The following DPYD variants were observed in gnomAD, a reference collection of about 807,000 sequenced individuals.
DPYD encodes the protein dihydropyrimidine dehydrogenase [NADP(+)].
A neutral mutation model predicts 116.2 loss-of-function variants in DPYD; 109 were observed. The observed-to-expected ratio is 0.94, with a 90% CI of 0.80 to 1.10. The LOEUF is 1.10. DPYD is among the 50% of genes least tolerant of loss of function. The pLI is 0.00. For synonymous variants in DPYD, 440 were observed against 432.0 expected (o/e 1.02, Z -0.23); for missense variants, 1,302 against 1,254.5 (o/e 1.04, Z -0.57).
chr1:97,626,975 C>T (rs544484254), intron 8 of DPYD, among the ~76,000 whole-genome samples: 5 of 152,092 alleles, frequency 3.3e-5, no homozygotes, highest in Admixed American at 1.3e-4. Flanking sequence ...ACAGCAGAAA[C>T]TCATGTCTCA....
intron 20 of DPYD, among the ~76,000 whole-genome samples, chr1:97,166,912 C>T (rs1656367659): frequency 6.6e-6 from 1 of 152,048 alleles, no homozygotes; most frequent in African/African-American, 2.4e-5. Context: ...TATCAAAGTA[C>T]CATATTATTT....
chr1:97,594,934 T>G, intron 9 of DPYD, 125 bp downstream of exon 9: 6 of 600,352 alleles, frequency 1.0e-5, no homozygotes, highest in Non-Finnish European at 1.1e-5. Context: ...TAATTTTACA[T>G]TTGGGTCTTA....
intron 20 of DPYD, among the ~76,000 whole-genome samples, chr1:97,176,518 C>T (rs1477077007): frequency 2.0e-5 from 3 of 152,210 alleles, no homozygotes; most frequent in Admixed American, 1.3e-4. Flanking sequence ...GGGAGTGACA[C>T]GGTTTTTTGC....
chr1:97,874,262 A>T (rs1380597387), intron 2 of DPYD, among the ~76,000 whole-genome samples: 1 of 151,974 alleles, frequency 6.6e-6, no homozygotes, highest in Non-Finnish European at 1.5e-5. Context: ...ACAGAGATGG[A>T]AAGAATATAT....
chr1:97,834,820 T>A (rs2101509359), intron 2 of DPYD, among the ~76,000 whole-genome samples: 1 of 152,128 alleles, frequency 6.6e-6, no homozygotes, highest in Admixed American at 6.5e-5. Context: ...ATGTTGTATC[T>A]TAATTTTTGC....
intron 3 of DPYD, among the ~76,000 whole-genome samples, chr1:97,818,852 ATG>A (rs1479295720): frequency 1.3e-5 from 2 of 152,012 alleles, no homozygotes; most frequent in African/African-American, 4.8e-5. Flanking sequence ...AAATTACCAA[ATG>A]TGTGTATCCA....
chr1:97,112,438 A>G (rs1421028848), intron 20 of DPYD, among the ~76,000 whole-genome samples: 1 of 152,150 alleles, frequency 6.6e-6, no homozygotes, highest in African/African-American at 2.4e-5. Context: ...GTAAATGTAA[A>G]CACTAGTGCT....
rs558927045 is a variant in DPYD, at chr1:97,666,415, T to A, written c.850+12680A>T. ...CTCAGGCGATCCTCCTGCCTCACCC[T>A]CCCAAAATGCTGGGATTACAGGCAT... On this transcript the variant is annotated intron_variant, in intron 8 of 22. Coordinates refer to ENST00000370192, the MANE Select transcript of DPYD (RefSeq NM_000110.4). Among the ~76,000 whole-genome samples the A allele has an allele frequency of 2.6e-5, 4 of 152,204 alleles. No individual in the cohort carries two copies. In the South Asian group the frequency reaches 8.3e-4, roughly 32 times the overall value.
At chr1:97,119,390 T>C (rs1426983748) in intron 20 of DPYD, among the ~76,000 whole-genome samples, 1 of 152,138 alleles carries the variant, frequency 6.6e-6, no homozygotes, top group Non-Finnish European at 1.5e-5. Context: ...TATCAAAGAC[T>C]GCAGAAAAGT....
chr1:97,486,195 T>A (rs1435562569), intron 13 of DPYD, among the ~76,000 whole-genome samples: 1 of 152,198 alleles, frequency 6.6e-6, no homozygotes, highest in Non-Finnish European at 1.5e-5. Context: ...TTTTGAAATT[T>A]ATAAAGTTCA....
intron 18 of DPYD, among the ~76,000 whole-genome samples, chr1:97,279,635 G>A (rs944575432): frequency 6.6e-6 from 1 of 152,050 alleles, no homozygotes; most frequent in Admixed American, 6.5e-5. Context: ...CTCAGCCTCC[G>A]AGTAGCTGGG....
At chr1:97,291,526 T>C (rs943452445) in intron 18 of DPYD, among the ~76,000 whole-genome samples, 1 of 152,232 alleles carries the variant, frequency 6.6e-6, no homozygotes, top group Admixed American at 6.5e-5. Context: ...GATGAGTTCA[T>C]GTCCTTTGTA....
At chr1:97,274,810 C>T (rs1439889866) in intron 18 of DPYD, among the ~76,000 whole-genome samples, 1 of 152,108 alleles carries the variant, frequency 6.6e-6, no homozygotes, top group Non-Finnish European at 1.5e-5. Context: ...ACCATTGTAT[C>T]CTAGTGTGTG....
intron 20 of DPYD, among the ~76,000 whole-genome samples, chr1:97,130,960 C>A (rs911269877): frequency 6.9e-6 from 1 of 145,576 alleles, no homozygotes; most frequent in Non-Finnish European, 1.5e-5. Flanking sequence ...TATCTAACTT[C>A]TGCATGCCCA....
Position 97,747,535 on chromosome 1 carries a change from T to C in DPYD, c.234-7056A>G, listed in dbSNP as rs775343364. Reference sequence around the variant, plus strand: ...CAAGAAGATCAGAGTTTCCTCTGTCTTGTAGTAATGAGGAAAATAGTGATA... The same window carrying C: ...CAAGAAGATCAGAGTTTCCTCTGTCCTGTAGTAATGAGGAAAATAGTGATA... On this transcript the variant is annotated intron_variant, in intron 3 of 22. Coordinates refer to ENST00000370192, the MANE Select transcript of DPYD (RefSeq NM_000110.4). Among the ~76,000 whole-genome samples the C allele has an allele frequency of 2.6e-5, 4 of 152,166 alleles. 1 individual carries two copies. The highest frequency in any genetic ancestry group is 5.9e-5 in the Non-Finnish European group (4 of 68,004).
intron 13 of DPYD, among the ~76,000 whole-genome samples, chr1:97,475,918 G>C (rs1451472959): frequency 2.0e-5 from 3 of 152,146 alleles, no homozygotes; most frequent in Non-Finnish European, 4.4e-5. Flanking sequence ...CTACTCACTG[G>C]ATACCTATAC....
At chr1:97,754,964 GGA>G (rs1557936132) in intron 3 of DPYD, among the ~76,000 whole-genome samples, 1 of 152,182 alleles carries the variant, frequency 6.6e-6, no homozygotes, top group African/African-American at 2.4e-5. Context: ...CGAATAAGAG[GGA>G]GAGAGAGTCT....
At chr1:97,857,588 G>A (rs1460898937) in intron 2 of DPYD, among the ~76,000 whole-genome samples, 1 of 152,160 alleles carries the variant, frequency 6.6e-6, no homozygotes, top group Admixed American at 6.5e-5. Context: ...GTTTCATGGA[G>A]GGTGGTGTTC....
intron 20 of DPYD, among the ~76,000 whole-genome samples, chr1:97,116,268 A>T (rs575779045): frequency 6.6e-6 from 1 of 152,270 alleles, no homozygotes; most frequent in Non-Finnish European, 1.5e-5. Flanking sequence ...TCCCTATTCA[A>T]TGAGCACACC....
Sources: gnomAD v4.1 joint callset for allele counts (sites outside exome capture counted in the v4.1 genomes callset) on GRCh38, gnomAD v4.1.1 for gene constraint, MANE v1.5 for transcripts, NCBI Gene and HGNC (gene_info 2026-07-23, HGNC 2026-07-21) for gene names.